The following SLC13A3 variants were observed in gnomAD, a reference collection of about 807,000 sequenced individuals.
The protein encoded by SLC13A3 is Na(+)/dicarboxylate cotransporter 3.
A neutral mutation model predicts 59.0 loss-of-function variants in SLC13A3; 40 were observed. The observed-to-expected ratio is 0.68, with a 90% CI of 0.53 to 0.88. The LOEUF (loss-of-function observed/expected upper bound fraction) is 0.88, where lower values mean the gene tolerates loss of function less well. Ranked by LOEUF, SLC13A3 falls within the 40% of genes least tolerant of loss-of-function variation. The pLI is 0.00. For missense variants in SLC13A3, 699 were observed against 783.2 expected (o/e 0.89, Z 1.28); for synonymous variants, 317 against 330.3 (o/e 0.96, Z 0.44).
chr20:46,681,255 C>T (rs530515983), intron 1 of SLC13A3, among the ~76,000 whole-genome samples: 2 of 152,320 alleles, frequency 1.3e-5, no homozygotes, highest in Admixed American at 6.5e-5. Context: ...TCCTCACGTC[C>T]GTCTCCCTCA....
intron 1 of SLC13A3, among the ~76,000 whole-genome samples, chr20:46,621,248 C>T (rs1396555565): frequency 2.0e-5 from 3 of 151,024 alleles, no homozygotes; most frequent in African/African-American, 7.3e-5. Flanking sequence ...TCTCATCAAA[C>T]AAGGACAGTT....
In SLC13A3 at chr20:46,588,704, C is replaced by T. The variant is rs1600524770; in HGVS notation, c.1016+456G>A. Among the ~76,000 whole-genome samples the T allele has an allele frequency of 2.6e-5, 4 of 152,200 alleles. No homozygotes were observed. In the East Asian group the frequency reaches 5.8e-4, roughly 22 times the overall value. ...GGAGGAGACAGTTACCCAATGTACC[C>T]ATTTCACAGACTGGAGAGCAGGGCC... is the stretch of plus-strand genomic sequence containing the variant. On this transcript the variant is annotated intron_variant, in intron 7 of 12. Transcript: ENST00000279027.
chr20:46,629,336 T>C (rs183094305), intron 1 of SLC13A3, among the ~76,000 whole-genome samples: 2 of 152,338 alleles, frequency 1.3e-5, no homozygotes, highest in Non-Finnish European at 2.9e-5. Context: ...TAAGGTTTTT[T>C]AATTAAGCTT....
intron 1 of SLC13A3, 97 bp from the exon 2 acceptor site, chr20:46,613,822 C>T: frequency 9.4e-7 from 1 of 1,066,696 alleles, no homozygotes; most frequent in Non-Finnish European, 1.3e-6. Context: ...GAGGCCTGGG[C>T]TGGGGGCAGA....
intron 1 of SLC13A3, among the ~76,000 whole-genome samples, chr20:46,630,894 T>C (rs1389050310): frequency 6.6e-6 from 1 of 152,244 alleles, no homozygotes; most frequent in Non-Finnish European, 1.5e-5. Flanking sequence ...CCTTGTGTGC[T>C]GTAGACATAT....
intron 1 of SLC13A3, among the ~76,000 whole-genome samples, chr20:46,638,514 C>T (rs1208113793): frequency 6.6e-6 from 1 of 152,204 alleles, no homozygotes; most frequent in Non-Finnish European, 1.5e-5. Flanking sequence ...ACAGAGGGGC[C>T]GTCAGCTCCG....
rs1348230668 is a variant in SLC13A3, at chr20:46,610,720, A to G, written c.378-111T>C. The G allele has an allele frequency of 1.1e-5, 10 of 889,192 alleles. No individual in the cohort carries two copies. The East Asian group carries it at 2.3e-4, about 20-fold the overall frequency. 55.1% of individuals were successfully genotyped at this position (889,192 alleles called of 1,614,324 possible). A position where few individuals can be genotyped will look rare whatever the true frequency, so the allele number is the denominator to read the frequency against. ...CAATCCATCCATTTTACAGATGGAA[A>G]CTTGAGACTCAAAGCAGAAACCAAA... On this transcript the variant is annotated intron_variant, in intron 2 of 12. Transcript: ENST00000279027.
chr20:46,600,406 GGAGGA>G (rs760236077), intron 3 of SLC13A3, among the ~76,000 whole-genome samples: 1 of 146,514 alleles, frequency 6.8e-6, no homozygotes, highest in Non-Finnish European at 1.5e-5. Context: ...AAGAAAGAAA[GGAGGA>G]AGGAAGGAAG....
intron 9 of SLC13A3, among the ~76,000 whole-genome samples, chr20:46,575,961 C>T (rs399940): frequency 0.81 from 123,301 of 152,128 alleles, 50,157 homozygotes; most frequent in East Asian, 0.88. Flanking sequence ...TCCCAACAGC[C>T]CTTGGGCACA....
chr20:46,671,457 G>T (rs1011074), upstream of SLC13A3, among the ~76,000 whole-genome samples: 1 of 151,782 alleles, frequency 6.6e-6, no homozygotes, highest in Non-Finnish European at 1.5e-5. Flanking sequence ...TGAAAACCCA[G>T]CCTACAACAC....
chr20:46,614,070 A>G (rs1424066768), intron 1 of SLC13A3, among the ~76,000 whole-genome samples: 5 of 152,256 alleles, frequency 3.3e-5, no homozygotes, highest in Non-Finnish European at 7.3e-5. Context: ...TACTTGATAG[A>G]GGATCCCAGG....
intron 3 of SLC13A3, among the ~76,000 whole-genome samples, chr20:46,602,261 A>C (rs923187304): frequency 2.0e-5 from 3 of 152,156 alleles, no homozygotes; most frequent in Non-Finnish European, 2.9e-5. Flanking sequence ...TGTTGAGCCC[A>C]GGAGTTGGAG....
At chr20:46,564,187 C>T (rs2061960154) in intron 11 of SLC13A3, among the ~76,000 whole-genome samples, 1 of 152,204 alleles carries the variant, frequency 6.6e-6, no homozygotes, top group Non-Finnish European at 1.5e-5. Flanking sequence ...TGGGGGCATC[C>T]CTGGATTTCA....
chr20:46,625,178 C>T (rs974254008), intron 1 of SLC13A3, among the ~76,000 whole-genome samples: 2 of 152,208 alleles, frequency 1.3e-5, no homozygotes, highest in African/African-American at 2.4e-5. Flanking sequence ...ACTCAGGAGA[C>T]AATAATCTCT....
chr20:46,607,743 A>G (rs1046952771), intron 3 of SLC13A3, among the ~76,000 whole-genome samples: 3 of 152,344 alleles, frequency 2.0e-5, no homozygotes, highest in Middle Eastern at 3.4e-3. Context: ...TGTGGGAGGC[A>G]GAATAATGGA....
At chr20:46,652,083 A>G (rs1600617992), upstream of SLC13A3, among the ~76,000 whole-genome samples, 1 of 152,322 alleles carries the variant, frequency 6.6e-6, no homozygotes, top group East Asian at 1.9e-4. Context: ...ACTGAAGCCT[A>G]TGGGAGGCTG....
Position 46,566,351 on chromosome 20 carries a change from G to T in SLC13A3, c.1372C>A (p.Pro458Thr). 1.2e-6 allele frequency: 2 copies of T among 1,612,544 alleles called. No individual in the cohort carries two copies. The highest frequency in any genetic ancestry group is 1.7e-6 in the Non-Finnish European group (2 of 1,178,872). ...LSVWIGGQLH[P>T]LENVPPALAV... ...AGGGCGGGGGGCACATTCTCCAGGG[G>T]GTGCAGCTGCCCACCAATCCATACA... Residue 458 changes from proline to threonine, a missense_variant, in exon 11 of 13, where the codon CCC becomes ACC. Pro to Thr is a conservative substitution (Grantham distance 38). Transcript: ENST00000279027.
At chr20:46,624,629 A>AT (rs918551450) in intron 1 of SLC13A3, among the ~76,000 whole-genome samples, 6 of 152,382 alleles carry the variant, frequency 3.9e-5, no homozygotes, top group African/African-American at 1.4e-4. Flanking sequence ...ATTGTTTAGC[A>AT]TAAGTATATC....
In SLC13A3 at chr20:46,596,052, G is replaced by T. The variant is rs1278800031; in HGVS notation, c.794+105C>A. On this transcript the variant is annotated intron_variant, in intron 5 of 12. Coordinates refer to ENST00000279027, the MANE Select transcript of SLC13A3 (RefSeq NM_022829.6). ...GTGCATTGCTGTGTTCCCAGAGCCT[G>T]GCCCAGAGAAGGCCCTCAATACACA... 4 of 1,058,242 alleles carry T rather than the reference G, an allele frequency of 3.8e-6. No individual in the cohort carries two copies. The Admixed American group carries it at 1.1e-4, about 28-fold the overall frequency. 65.6% of individuals were successfully genotyped at this position (1,058,242 alleles called of 1,614,324 possible).
Sources: gnomAD v4.1 joint callset for allele counts (sites outside exome capture counted in the v4.1 genomes callset) on GRCh38, gnomAD v4.1.1 for gene constraint, MANE v1.5 for transcripts, NCBI Gene and HGNC (gene_info 2026-07-23, HGNC 2026-07-21) for gene names.